The following PARVA variants were observed in gnomAD, a reference collection of about 807,000 sequenced individuals.
The protein encoded by PARVA is parvin alpha, also known as alpha-parvin.
In PARVA, 25 loss-of-function variants were observed where a neutral mutation model predicts 52.6. The observed-to-expected ratio is 0.48, with a 90% confidence interval of 0.35 to 0.66. The LOEUF is 0.66. PARVA is among the 30% of genes least tolerant of loss of function. PARVA has a pLI of 0.01. For missense variants in PARVA, 373 were observed against 450.9 expected (o/e 0.83, Z 1.56); for synonymous variants, 185 against 179.1 (o/e 1.03, Z -0.26).
rs188531250 is a variant in PARVA, at chr11:12,474,077, A to G, written c.297+94A>G. ...TGTGCAGGTACCCCACGAGCCCCTGAGAGAAGGTAAAAAGTCATGGCAGCC... is the reference window on the plus strand; with the variant it reads ...TGTGCAGGTACCCCACGAGCCCCTGGGAGAAGGTAAAAAGTCATGGCAGCC... On this transcript the variant is annotated intron_variant, in intron 3 of 12. Transcript: ENST00000334956. 6,033 of 973,908 alleles carry G rather than the reference A, an allele frequency of 6.2e-3. 231 individuals are homozygous for G. In the African/African-American group the frequency reaches 0.084, roughly 14 times the overall value. The allele number at this position is 973,908 out of a possible 1,614,324, so 60.3% of individuals were successfully genotyped here. A position where few individuals can be genotyped will look rare whatever the true frequency, so the allele number is the denominator to read the frequency against.
intron 10 of PARVA, among the ~76,000 whole-genome samples, chr11:12,514,846 AT>A (rs1287347582): frequency 6.6e-6 from 1 of 152,200 alleles, no homozygotes; most frequent in Non-Finnish European, 1.5e-5. Context: ...CTCTGTTCAG[AT>A]TTTGCCAGTT....
chr11:12,439,720 C>T (rs866982729), intron 1 of PARVA, among the ~76,000 whole-genome samples: 1 of 152,180 alleles, frequency 6.6e-6, no homozygotes, highest in Middle Eastern at 3.2e-3. Context: ...TTCCTATCCT[C>T]CTCCCTCTGC....
intron 1 of PARVA, among the ~76,000 whole-genome samples, chr11:12,442,135 A>G (rs1004952736): frequency 1.3e-5 from 2 of 152,238 alleles, no homozygotes; most frequent in Non-Finnish European, 2.9e-5. Flanking sequence ...CTACTTAATC[A>G]TACTCTTCAG....
At chr11:12,440,580 C>T (rs1940452514) in intron 1 of PARVA, among the ~76,000 whole-genome samples, 1 of 152,236 alleles carries the variant, frequency 6.6e-6, no homozygotes, top group Non-Finnish European at 1.5e-5. Context: ...TTTAGAATCT[C>T]ACAAAGCTGA....
chr11:12,377,850 G>A (rs1172357545), intron 1 of PARVA, 67 bp downstream of exon 1: 17 of 1,271,902 alleles, frequency 1.3e-5, no homozygotes, highest in Non-Finnish European at 1.8e-5. Flanking sequence ...CGAGGGGCCG[G>A]GGCACTGGGA....
intron 1 of PARVA, among the ~76,000 whole-genome samples, chr11:12,404,166 AT>A (rs1054040799): frequency 3.3e-5 from 5 of 151,402 alleles, no homozygotes; most frequent in Non-Finnish European, 7.4e-5. Flanking sequence ...CCTCAGTAGT[AT>A]GGCCTATGTG....
rs190842808 is a variant in PARVA at position 12,508,568 on chromosome 11, C to A, written c.658-16C>A. 1.2e-6 allele frequency: 2 copies of A among 1,600,886 alleles called. No individual in the cohort carries two copies. The highest frequency in any genetic ancestry group is 1.7e-6 in the Non-Finnish European group (2 of 1,169,712). On this transcript the variant is annotated splice_polypyrimidine_tract_variant and intron_variant, in intron 6 of 12. Transcript: ENST00000334956. ...TTCTCTTCTCCTCCCAACCCCTTTC[C>A]CCACCCCCATTTCAGAAACGAGAAG...
At chr11:12,379,113 T>C (rs1353574573) in intron 1 of PARVA, among the ~76,000 whole-genome samples, 4 of 152,244 alleles carry the variant, frequency 2.6e-5, no homozygotes, top group African/African-American at 7.2e-5. Flanking sequence ...ATGTGTAAAC[T>C]GTCCTGGCGC....
chr11:12,499,660 AG>A (rs1346094028), intron 5 of PARVA, among the ~76,000 whole-genome samples: 2 of 152,076 alleles, frequency 1.3e-5, no homozygotes, highest in East Asian at 1.9e-4. Flanking sequence ...GGGCATAGAG[AG>A]GTTAAGAAAC....
intron 4 of PARVA, among the ~76,000 whole-genome samples, chr11:12,494,119 A>T (rs1448425785): frequency 6.6e-6 from 1 of 152,240 alleles, no homozygotes; most frequent in Non-Finnish European, 1.5e-5. Context: ...AAAGGAAGAG[A>T]TGCATAGGGC....
intron 4 of PARVA, among the ~76,000 whole-genome samples, chr11:12,493,839 AG>A (rs1941263178): frequency 1.3e-5 from 2 of 152,202 alleles, no homozygotes; most frequent in Non-Finnish European, 2.9e-5. Context: ...GGACAGCAAC[AG>A]GGTGTCCTAC....
chr11:12,483,799 A>G (rs1044244605), intron 4 of PARVA, among the ~76,000 whole-genome samples: 3 of 152,172 alleles, frequency 2.0e-5, no homozygotes, highest in African/African-American at 7.2e-5. Flanking sequence ...ATAAAATATT[A>G]GCTGCCAGCA....
chr11:12,442,512 T>C (rs901617747), intron 1 of PARVA, among the ~76,000 whole-genome samples: 2 of 152,098 alleles, frequency 1.3e-5, no homozygotes, highest in African/African-American at 4.8e-5. Flanking sequence ...TCAATAGCTG[T>C]GACACTAGGA....
chr11:12,418,324 G>A (rs1406591375), intron 1 of PARVA, among the ~76,000 whole-genome samples: 5 of 152,152 alleles, frequency 3.3e-5, no homozygotes, highest in South Asian at 4.1e-4. Flanking sequence ...AGCAGGCCCC[G>A]CCCACAGGCC....
At chr11:12,460,718 C>T (rs1053343775) in intron 1 of PARVA, among the ~76,000 whole-genome samples, 11 of 152,098 alleles carry the variant, frequency 7.2e-5, no homozygotes, top group African/African-American at 2.4e-4. Context: ...AGCACTGAGC[C>T]ACTGCAAAAA....
intron 12 of PARVA, among the ~76,000 whole-genome samples, chr11:12,522,801 A>AG (rs898976151): frequency 4.6e-5 from 7 of 151,982 alleles, no homozygotes; most frequent in African/African-American, 7.3e-5. Context: ...AAAAAAAAAA[A>AG]ACAGACAGCT....
chr11:12,410,985 T>C (rs1247483457), intron 1 of PARVA, among the ~76,000 whole-genome samples: 2 of 152,170 alleles, frequency 1.3e-5, no homozygotes, highest in African/African-American at 4.8e-5. Context: ...GGGGGTGTGA[T>C]ACTGACGATC....
chr11:12,503,025 T>G (rs1941382894), intron 5 of PARVA, among the ~76,000 whole-genome samples: 1 of 152,120 alleles, frequency 6.6e-6, no homozygotes, highest in Non-Finnish European at 1.5e-5. Flanking sequence ...TGAGTCTTTT[T>G]CTCCTCATCT....
intron 1 of PARVA, among the ~76,000 whole-genome samples, chr11:12,464,284 T>A (rs184784457): frequency 2.4e-4 from 36 of 152,310 alleles, no homozygotes; most frequent in Non-Finnish European, 3.7e-4. Flanking sequence ...AACATAAGTT[T>A]TTACTGATGT....
Sources: gnomAD v4.1 joint callset for allele counts (sites outside exome capture counted in the v4.1 genomes callset) on GRCh38, gnomAD v4.1.1 for gene constraint, MANE v1.5 for transcripts, NCBI Gene and HGNC (gene_info 2026-07-23, HGNC 2026-07-21) for gene names.